The following PC variants were observed in gnomAD, a reference collection of about 807,000 sequenced individuals.
The protein encoded by PC is pyruvate carboxylase, also known as pyruvate carboxylase, mitochondrial.
Under a neutral mutation model 107.8 loss-of-function variants are expected in PC, and 46 were observed. That is an observed-to-expected ratio of 0.43 (90% CI 0.34 to 0.55). The LOEUF is 0.55. PC is among the 20% of genes least tolerant of loss of function. The probability of loss-of-function intolerance (pLI) is 0.04; values close to 1 mark genes in which losing one functional copy is unlikely to be tolerated. For missense variants in PC, 1,241 were observed against 1,643.1 expected (o/e 0.76, Z 4.23); for synonymous variants, 662 against 684.7 (o/e 0.97, Z 0.52).
intron 12 of PC, chr11:66,859,652 C>T: frequency 6.2e-7 from 1 of 1,613,002 alleles, no homozygotes; most frequent in South Asian, 1.1e-5. Flanking sequence ...TCCCAGCCTC[C>T]AGCCACCACT....
chr11:66,869,965 G>A (rs955612524), intron 9 of PC, among the ~76,000 whole-genome samples: 6 of 152,232 alleles, frequency 3.9e-5, no homozygotes, highest in Non-Finnish European at 5.9e-5. Context: ...CAGAATCCAC[G>A]GAATCTCATT....
At position 66,871,484 on chromosome 11, in the gene PC, C is replaced by A; in HGVS notation, c.322-4G>T. The stretch of plus-strand genomic sequence containing the variant: ...GCACTGCATCTACGTTGTTCTCCTG[C>A]AGGTGGGGGTCAGGGAGAGGACGGT... On this transcript the variant is annotated splice_region_variant and splice_polypyrimidine_tract_variant and intron_variant, in intron 5 of 22. Coordinates refer to ENST00000393960, the MANE Select transcript of PC (RefSeq NM_001040716.2). The surrounding 1 kb of genome is among the most constrained non-coding windows in gnomAD (Gnocchi z 7.4). The A allele has an allele frequency of 6.2e-7, 1 of 1,613,224 alleles. No homozygotes were observed.
chr11:66,894,582 G>T (rs1420456219), intron 3 of PC, among the ~76,000 whole-genome samples: 1 of 152,242 alleles, frequency 6.6e-6, no homozygotes. Flanking sequence ...CTCACAGCCT[G>T]GGTCTGGAGC....
intron 3 of PC, among the ~76,000 whole-genome samples, chr11:66,920,888 A>T (rs186659291): frequency 2.7e-4 from 41 of 152,154 alleles, no homozygotes; most frequent in African/African-American, 8.9e-4. Context: ...AAATACAAAA[A>T]TTAGCCAGGC....
Position 66,863,798 on chromosome 11 carries a change from C to A in PC, c.1344G>T (p.Ala448=). ...CCTTCACACCTCGGACGCGGAACTC[C>A]GCAAGGGCCCTGCTCATCTTGGTGG... ...TAATKMSRAL[A]EFRVRGVKTN... is the part of the protein sequence containing the mutation. Residue 448 remains alanine, a synonymous_variant, in exon 12 of 23, where the codon GCG becomes GCT. Transcript: ENST00000393960. 7 of 1,612,822 alleles carry A rather than the reference C, an allele frequency of 4.3e-6. No individual in the cohort carries two copies. Among genetic ancestry groups the A allele is most frequent in the Non-Finnish European group, 5.9e-6 (7 of 1,179,844 alleles).
rs188672316 is a variant in PC at position 66,907,202 on chromosome 11, T to C, written c.1-35043A>G. ...TTCTGGCCCAGAGCTCTTGGATCCATGGCCAAGGTCTTCTGTCCAAGGTCT... is the reference window on the plus strand; with the variant it reads ...TTCTGGCCCAGAGCTCTTGGATCCACGGCCAAGGTCTTCTGTCCAAGGTCT... On this transcript the variant is annotated intron_variant, in intron 3 of 22. Coordinates refer to ENST00000393960, the MANE Select transcript of PC (RefSeq NM_001040716.2). Among the ~76,000 whole-genome samples, 546 of 152,292 alleles carry C rather than the reference T, an allele frequency of 3.6e-3. 3 individuals are homozygous for C. Among genetic ancestry groups the C allele is most frequent in the Non-Finnish European group, 4.3e-3 (294 of 68,014 alleles).
chr11:66,891,165 T>C (rs1947560852), intron 3 of PC, among the ~76,000 whole-genome samples: 1 of 151,940 alleles, frequency 6.6e-6, no homozygotes, highest in Non-Finnish European at 1.5e-5. Flanking sequence ...CAAGTGATTC[T>C]CCTGGCTCAG....
rs922617771 is a variant in PC, at chr11:66,858,567, G to A, written c.1369-5184C>T. 5.9e-6 allele frequency: 9 copies of A among 1,532,776 alleles called. No individual in the cohort carries two copies. Among genetic ancestry groups the A allele is most frequent in the Admixed American group, 2.0e-5 (1 of 50,772 alleles). The allele number at this position is 1,532,776 out of a possible 1,614,324, so 94.9% of individuals were successfully genotyped here. ...CTACTTCTGGGCAGTGCCCGAGGGC[G>A]AGTTCTCCTGTGAGCCGCCCCTCAT... On this transcript the variant is annotated intron_variant, in intron 12 of 22. Transcript: ENST00000393960. The surrounding 1 kb of genome is among the most constrained non-coding windows in gnomAD (Gnocchi z 5.9).
At chr11:66,864,226 G>A (rs1044151572) in intron 11 of PC, among the ~76,000 whole-genome samples, 2 of 152,238 alleles carry the variant, frequency 1.3e-5, no homozygotes, top group Non-Finnish European at 2.9e-5. Flanking sequence ...AATGCCTGCC[G>A]CAGAGCGGGA....
At chr11:66,930,693 G>C (rs1288712428) in intron 3 of PC, among the ~76,000 whole-genome samples, 1 of 133,470 alleles carries the variant, frequency 7.5e-6, no homozygotes. Context: ...AGTGAGCCAA[G>C]ATCACACCAC....
At chr11:66,884,244 C>CA (rs533552926) in intron 3 of PC, among the ~76,000 whole-genome samples, 7,129 of 86,346 alleles carry the variant, frequency 0.083, 330 homozygotes, top group African/African-American at 0.16. Flanking sequence ...AACTCCATCT[C>CA]AAAAAAAAAA....
intron 3 of PC, among the ~76,000 whole-genome samples, chr11:66,885,560 G>T (rs369886614): frequency 2.0e-5 from 3 of 151,768 alleles, no homozygotes; most frequent in South Asian, 4.2e-4. Flanking sequence ...CATTAGGGTG[G>T]CCCTAATCCA....
intron 11 of PC, among the ~76,000 whole-genome samples, chr11:66,864,420 C>T (rs1052414409): frequency 4.6e-5 from 7 of 152,260 alleles, no homozygotes; most frequent in African/African-American, 9.6e-5. Context: ...GACGGCAGGC[C>T]GGCGACAGGG....
chr11:66,947,700 C>T (rs564734128), intron 3 of PC, among the ~76,000 whole-genome samples: 9 of 152,164 alleles, frequency 5.9e-5, no homozygotes, highest in East Asian at 1.9e-4. Flanking sequence ...CGGTAGCTCA[C>T]GCAGGTAATC....
At chr11:66,910,610 A>T (rs921954825) in intron 3 of PC, among the ~76,000 whole-genome samples, 1 of 152,198 alleles carries the variant, frequency 6.6e-6, no homozygotes, top group Non-Finnish European at 1.5e-5. Flanking sequence ...CAAGATCTGC[A>T]TGTGGCAAAT....
intron 3 of PC, among the ~76,000 whole-genome samples, chr11:66,874,434 ATTTTG>A (rs1464528707): frequency 7.2e-5 from 11 of 152,242 alleles, no homozygotes; most frequent in Non-Finnish European, 1.3e-4. Context: ...TGACTCAGCC[ATTTTG>A]TTTTAAGTAA....
At chr11:66,881,887 C>G (rs941892284) in intron 3 of PC, among the ~76,000 whole-genome samples, 1 of 152,244 alleles carries the variant, frequency 6.6e-6, no homozygotes, top group Non-Finnish European at 1.5e-5. Flanking sequence ...CCTATGGACT[C>G]TTCACTCAAC....
intron 12 of PC, among the ~76,000 whole-genome samples, chr11:66,863,309 C>T (rs1591169043): frequency 6.6e-6 from 1 of 152,196 alleles, no homozygotes; most frequent in Non-Finnish European, 1.5e-5. Context: ...CACTGCACTC[C>T]AGCCTGGGCG....
chr11:66,899,514 C>T (rs902450815), intron 3 of PC, among the ~76,000 whole-genome samples: 1 of 152,072 alleles, frequency 6.6e-6, no homozygotes, highest in Non-Finnish European at 1.5e-5. Flanking sequence ...TTCAGCCTCC[C>T]AAGTAGCTAG....
Sources: gnomAD v4.1 joint callset for allele counts (sites outside exome capture counted in the v4.1 genomes callset) on GRCh38, gnomAD v4.1.1 for gene constraint, Gnocchi (gnomAD v3.1) non-coding constraint, MANE v1.5 for transcripts, NCBI Gene and HGNC (gene_info 2026-07-23, HGNC 2026-07-21) for gene names.